The following CTTNBP2 variants were observed in gnomAD, a reference collection of about 807,000 sequenced individuals.
CTTNBP2 encodes cortactin-binding protein 2.
In CTTNBP2, 108 loss-of-function variants were observed where a neutral mutation model predicts 156.9. That is an observed-to-expected ratio of 0.69 (90% CI 0.59 to 0.81). The LOEUF is 0.81. CTTNBP2 is among the 30% of genes least tolerant of loss of function. The pLI, the probability that CTTNBP2 is intolerant of heterozygous loss-of-function variation, is 0.00. For missense variants in CTTNBP2, 1,924 were observed against 2,035.4 expected (o/e 0.95, Z 1.05); for synonymous variants, 767 against 751.8 (o/e 1.02, Z -0.33).
intron 3 of CTTNBP2, among the ~76,000 whole-genome samples, chr7:117,810,230 G>T (rs1182953968): frequency 6.6e-6 from 1 of 152,104 alleles, no homozygotes; most frequent in Non-Finnish European, 1.5e-5. Context: ...ACACTAACCA[G>T]GACTTTAAGA....
chr7:117,822,636 A>G (rs1801035831), intron 2 of CTTNBP2, among the ~76,000 whole-genome samples: 2 of 152,198 alleles, frequency 1.3e-5, no homozygotes, highest in Admixed American at 1.3e-4. Context: ...CATGATATAT[A>G]TATTTTTAAA....
intron 2 of CTTNBP2, among the ~76,000 whole-genome samples, chr7:117,843,454 T>C (rs1225797007): frequency 1.3e-5 from 2 of 151,738 alleles, no homozygotes; most frequent in Non-Finnish European, 2.9e-5. Context: ...TCTAAAACAG[T>C]GAGGGAAGGA....
chr7:117,827,217 GAT>G (rs1404357361), intron 2 of CTTNBP2, among the ~76,000 whole-genome samples: 2 of 152,178 alleles, frequency 1.3e-5, no homozygotes, highest in Non-Finnish European at 2.9e-5. Context: ...AGAAGGGTTT[GAT>G]ATTGTCCAAA....
At chr7:117,803,491 G>A (rs1461436119) in intron 3 of CTTNBP2, among the ~76,000 whole-genome samples, 4 of 152,144 alleles carry the variant, frequency 2.6e-5, no homozygotes, top group Non-Finnish European at 4.4e-5. Flanking sequence ...CATACGATAT[G>A]CCAATGTGAA....
chr7:117,829,799 A>C (rs1223828157), intron 2 of CTTNBP2, among the ~76,000 whole-genome samples: 1 of 152,232 alleles, frequency 6.6e-6, no homozygotes, highest in Non-Finnish European at 1.5e-5. Flanking sequence ...GAGATGTCAG[A>C]GTATATATGA....
intron 2 of CTTNBP2, among the ~76,000 whole-genome samples, chr7:117,825,256 C>T (rs1801211402): frequency 6.6e-6 from 1 of 152,192 alleles, no homozygotes; most frequent in African/African-American, 2.4e-5. Flanking sequence ...TGTCTCCTTA[C>T]TAGGTACAAG....
At chr7:117,786,395 CCT>C (rs1196152452) in intron 4 of CTTNBP2, 2 of 444,328 alleles carry the variant, frequency 4.5e-6, no homozygotes, top group South Asian at 3.3e-5. Flanking sequence ...CAAGAAGGCT[CCT>C]CTCTGGTACA....
chr7:117,798,982 A>G (rs920414963), intron 3 of CTTNBP2, among the ~76,000 whole-genome samples: 1 of 151,944 alleles, frequency 6.6e-6, no homozygotes. Flanking sequence ...ATTACACAAA[A>G]TGACATAGAA....
At chr7:117,871,844 T>TCACACA (rs71150640) in intron 1 of CTTNBP2, 8,536 of 308,544 alleles carry the variant, frequency 0.028, 176 homozygotes, top group Non-Finnish European at 0.03. Context: ...TCCTTCCCCT[T>TCACACA]CACACACACA....
Position 117,732,515 on chromosome 7 carries a change from T to C in CTTNBP2, c.3876+2398A>G, listed in dbSNP as rs1795456431. Among the ~76,000 whole-genome samples the C allele has an allele frequency of 5.9e-5, 9 of 151,762 alleles. No individual in the cohort carries two copies. The South Asian group carries it at 1.9e-3, about 32-fold the overall frequency. On this transcript the variant is annotated intron_variant, in intron 16 of 22. Transcript: ENST00000160373. ...AATACAAAAAATTAGCTGGGCGTGG[T>C]GGCGGGCGCCTGTAGTTCCAGCTAC...
At chr7:117,762,047 C>T (rs957283775) in intron 9 of CTTNBP2, among the ~76,000 whole-genome samples, 1 of 152,110 alleles carries the variant, frequency 6.6e-6, no homozygotes, top group Non-Finnish European at 1.5e-5. Flanking sequence ...TCTCCTGTAC[C>T]TCCTCGGTCG....
At chr7:117,803,020 A>G (rs1799724739) in intron 3 of CTTNBP2, among the ~76,000 whole-genome samples, 1 of 152,212 alleles carries the variant, frequency 6.6e-6, no homozygotes, top group Non-Finnish European at 1.5e-5. Context: ...CAGCAAACCC[A>G]TAACTGGGTA....
At chr7:117,741,288 G>GACAGGAAGTGATTATGCTC (rs976949907) in intron 14 of CTTNBP2, among the ~76,000 whole-genome samples, 2 of 152,192 alleles carry the variant, frequency 1.3e-5, no homozygotes, top group South Asian at 2.1e-4. Context: ...GAGTGAGGCA[G>GACAGGAAGTGATTATGCTC]ACAGGAAGTG....
At chr7:117,838,419 T>A (rs1449469037) in intron 2 of CTTNBP2, among the ~76,000 whole-genome samples, 1 of 152,164 alleles carries the variant, frequency 6.6e-6, no homozygotes, top group Admixed American at 6.5e-5. Flanking sequence ...TCTAATGTGG[T>A]TATGTGACAC....
At chr7:117,870,630 T>G (rs751853453) in intron 1 of CTTNBP2, among the ~76,000 whole-genome samples, 22 of 152,226 alleles carry the variant, frequency 1.4e-4, no homozygotes, top group Non-Finnish European at 3.1e-4. Context: ...TCCATTTTCC[T>G]TTCATTCCAA....
intron 22 of CTTNBP2, among the ~76,000 whole-genome samples, chr7:117,715,475 T>TTAAAAAAAAA (rs570148227): frequency 1.7e-5 from 2 of 116,392 alleles, no homozygotes; most frequent in African/African-American, 7.9e-5. Flanking sequence ...GCCCTGAAGT[T>TTAAAAAAAAA]AAAAAAAAAA....
chr7:117,833,052 G>A (rs1338352100), intron 2 of CTTNBP2, among the ~76,000 whole-genome samples: 2 of 152,046 alleles, frequency 1.3e-5, no homozygotes, highest in African/African-American at 4.8e-5. Flanking sequence ...ACCGCATCTG[G>A]CCCATCAACC....
chr7:117,796,311 C>T (rs1250607616), intron 3 of CTTNBP2, among the ~76,000 whole-genome samples: 1 of 152,174 alleles, frequency 6.6e-6, no homozygotes, highest in Non-Finnish European at 1.5e-5. Context: ...TATATAAGCA[C>T]AGTACATAAA....
chr7:117,846,911 G>A (rs1802618661), intron 2 of CTTNBP2, among the ~76,000 whole-genome samples: 1 of 151,846 alleles, frequency 6.6e-6, no homozygotes, highest in Admixed American at 6.6e-5. Flanking sequence ...TAAAGGGGCA[G>A]CTTAACTTGT....
Sources: allele counts gnomAD v4.1 joint callset (sites outside exome capture counted in the v4.1 genomes callset), GRCh38; gene constraint gnomAD v4.1.1; transcripts MANE v1.5; gene names NCBI Gene and HGNC (gene_info 2026-07-23, HGNC 2026-07-21).